COBL: variants seen among roughly 807,000 people sequenced by gnomAD.
COBL encodes the protein protein cordon-bleu.
COBL carries 51 observed loss-of-function variants against 98.8 expected under a neutral mutation model. The observed-to-expected ratio is 0.52, with a 90% CI of 0.41 to 0.65. The LOEUF (loss-of-function observed/expected upper bound fraction) is 0.65. COBL is among the 30% of genes least tolerant of loss of function. COBL has a pLI of 0.00. For missense variants in COBL, 1,617 were observed against 1,617.5 expected (o/e 1.00, Z 0.01); for synonymous variants, 634 against 651.7 (o/e 0.97, Z 0.41).
intron 7 of COBL, among the ~76,000 whole-genome samples, chr7:51,045,684 G>A (rs1789622007): frequency 6.6e-6 from 1 of 152,140 alleles, no homozygotes; most frequent in South Asian, 2.1e-4. Flanking sequence ...CCCTCTGGAG[G>A]CACAGAACAC....
chr7:51,072,926 GA>G (rs1207519949), intron 7 of COBL: 9 of 154,510 alleles, frequency 5.8e-5, no homozygotes, highest in African/African-American at 2.2e-4. Context: ...CAGGTAGACA[GA>G]AAGTTTCAGT....
At chr7:51,051,845 C>T (rs976016153) in intron 7 of COBL, among the ~76,000 whole-genome samples, 5 of 127,136 alleles carry the variant, frequency 3.9e-5, no homozygotes, top group African/African-American at 2.0e-4. Flanking sequence ...CTGGCTTTGG[C>T]TGATGATGCT....
chr7:51,128,902 A>G (rs1798477923), intron 6 of COBL, among the ~76,000 whole-genome samples: 1 of 152,208 alleles, frequency 6.6e-6, no homozygotes, highest in Admixed American at 6.5e-5. Flanking sequence ...CTGTGCCCAG[A>G]CAGACTGTCC....
At chr7:51,308,956 A>G (rs760580588) in intron 1 of COBL, among the ~76,000 whole-genome samples, 2 of 152,156 alleles carry the variant, frequency 1.3e-5, no homozygotes, top group Non-Finnish European at 2.9e-5. Flanking sequence ...TGTAGGTCAG[A>G]GCTCTATATA....
At chr7:51,102,973 G>A (rs1209293865) in intron 6 of COBL, among the ~76,000 whole-genome samples, 1 of 152,220 alleles carries the variant, frequency 6.6e-6, no homozygotes, top group Non-Finnish European at 1.5e-5. Context: ...ATAAGCTCTA[G>A]AGATCCGCTG....
intron 7 of COBL, among the ~76,000 whole-genome samples, chr7:51,054,168 A>G (rs1475428324): frequency 6.6e-6 from 1 of 152,238 alleles, no homozygotes; most frequent in Non-Finnish European, 1.5e-5. Context: ...TAGGGGACAG[A>G]GTGAGACTCT....
intron 6 of COBL, among the ~76,000 whole-genome samples, chr7:51,117,636 G>A (rs1797394709): frequency 6.6e-6 from 1 of 152,092 alleles, no homozygotes; most frequent in African/African-American, 2.4e-5. Context: ...TGTTACCACA[G>A]TTACAAGCAG....
chr7:51,304,843 T>C (rs2129208215), intron 1 of COBL, among the ~76,000 whole-genome samples: 1 of 152,318 alleles, frequency 6.6e-6, no homozygotes, highest in African/African-American at 2.4e-5. Flanking sequence ...ATCTCCGCCT[T>C]AGTCATGAGG....
intron 7 of COBL, among the ~76,000 whole-genome samples, chr7:51,062,339 T>C (rs1791464179): frequency 6.6e-6 from 1 of 151,986 alleles, no homozygotes; most frequent in South Asian, 2.1e-4. Flanking sequence ...CCAAGGAAAC[T>C]TGCTTGAAGG....
intron 7 of COBL, among the ~76,000 whole-genome samples, chr7:51,044,944 G>A (rs541081015): frequency 5.3e-5 from 8 of 152,310 alleles, no homozygotes; most frequent in Admixed American, 3.9e-4. Context: ...TCACTAAAGA[G>A]CTCCAAGGTA....
intron 5 of COBL, among the ~76,000 whole-genome samples, chr7:51,141,837 G>A (rs1233153828): frequency 6.6e-6 from 1 of 152,164 alleles, no homozygotes; most frequent in Non-Finnish European, 1.5e-5. Flanking sequence ...CTCCTGGTGA[G>A]GTGAGAATGG....
At chr7:51,129,311 T>C (rs573955245) in intron 6 of COBL, among the ~76,000 whole-genome samples, 8 of 151,708 alleles carry the variant, frequency 5.3e-5, no homozygotes, top group African/African-American at 1.9e-4. Flanking sequence ...TGCGCTCACA[T>C]GGTGGAAGGG....
chr7:51,184,208 A>G lies in COBL; in HGVS notation c.686-9T>C. On this transcript the variant is annotated splice_polypyrimidine_tract_variant and intron_variant, in intron 4 of 12. Coordinates refer to ENST00000265136, the MANE Select transcript of COBL (RefSeq NM_015198.5). ...TGATTTCCTAAAGGTTTCTGGAAAA[A>G]AAAAGCACTAAGTTATTTTTCAGCA... 6.8e-7 allele frequency: 1 copy of G among 1,466,816 alleles called. No homozygotes were observed. The highest frequency in any genetic ancestry group is 1.4e-5 in the African/African-American group (1 of 70,394). 90.9% of individuals were successfully genotyped at this position (1,466,816 alleles called of 1,614,324 possible).
At chr7:51,147,442 A>G (rs1179114251) in intron 5 of COBL, among the ~76,000 whole-genome samples, 1 of 152,248 alleles carries the variant, frequency 6.6e-6, no homozygotes, top group Admixed American at 6.5e-5. Context: ...CAAAGGAGAC[A>G]GGGTCATTTA....
At position 51,316,676 on chromosome 7, in the gene COBL, A is replaced by C. The variant is rs1257371101; in HGVS notation, c.-43T>G. The C allele has an allele frequency of 1.4e-5, 16 of 1,185,134 alleles. No individual in the cohort carries two copies. In the East Asian group the frequency reaches 5.0e-4, roughly 37 times the overall value. 73.4% of individuals were successfully genotyped at this position (1,185,134 alleles called of 1,614,324 possible). A position where few individuals can be genotyped will look rare whatever the true frequency, so the allele number is the denominator to read the frequency against. On this transcript the variant is annotated 5_prime_UTR_variant, in exon 1 of 13. Coordinates refer to ENST00000265136, the MANE Select transcript of COBL (RefSeq NM_015198.5). Reference sequence around the variant, plus strand: ...CGCGGGCGGTGCTCCGGGCCCGCCGAGTCAGGCGCTGGCTACCGCCGCCAC... The same window carrying C: ...CGCGGGCGGTGCTCCGGGCCCGCCGCGTCAGGCGCTGGCTACCGCCGCCAC...
intron 7 of COBL, among the ~76,000 whole-genome samples, chr7:51,061,981 A>ACACACACT (rs1322943132): frequency 2.7e-5 from 4 of 150,620 alleles, no homozygotes; most frequent in African/African-American, 7.4e-5. Context: ...ACACACACAC[A>ACACACACT]CTCATAAATA....
chr7:51,314,530 T>C (rs941269026), intron 1 of COBL, among the ~76,000 whole-genome samples: 1 of 152,202 alleles, frequency 6.6e-6, no homozygotes, highest in African/African-American at 2.4e-5. Flanking sequence ...CTAAATTATA[T>C]AAAATATTCG....
At chr7:51,178,420 AG>A in intron 5 of COBL, among the ~76,000 whole-genome samples, 1 of 152,312 alleles carries the variant, frequency 6.6e-6, no homozygotes, top group African/African-American at 2.4e-5. Flanking sequence ...TTTGTTTATA[AG>A]GTTTTATTAA....
intron 1 of COBL, among the ~76,000 whole-genome samples, chr7:51,277,182 C>A (rs1438042119): frequency 6.6e-6 from 1 of 152,210 alleles, no homozygotes; most frequent in African/African-American, 2.4e-5. Flanking sequence ...GACGGCCACA[C>A]ATGCGCAGGG....
Sources: allele counts gnomAD v4.1 joint callset (sites outside exome capture counted in the v4.1 genomes callset), GRCh38; gene constraint gnomAD v4.1.1; transcripts MANE v1.5; gene names NCBI Gene and HGNC (gene_info 2026-07-23, HGNC 2026-07-21).